Variants in ZC3H18 observed in about 807,000 individuals in gnomAD.
ZC3H18 encodes the protein zinc finger CCCH domain-containing protein 18.
ZC3H18 carries 8 observed loss-of-function variants against 106.1 expected under a neutral mutation model. The observed-to-expected ratio is 0.08, with a 90% confidence interval of 0.04 to 0.14. The LOEUF (loss-of-function observed/expected upper bound fraction) is 0.14. Among genes scored for constraint, ZC3H18 ranks in the 10% least tolerant of loss-of-function variants. The pLI, the probability that ZC3H18 is intolerant of heterozygous loss-of-function variation, is 1.00. For missense variants in ZC3H18, 1,318 were observed against 1,278.4 expected, an observed-to-expected ratio of 1.03 and a Z score of -0.47; for synonymous variants, 635 against 522.1, an observed-to-expected ratio of 1.22 and a Z score of -2.95.
chr16:88,630,671 C>A, intron 17 of ZC3H18, 90 bp downstream of exon 17: 1 of 1,141,168 alleles, frequency 8.8e-7, no homozygotes, highest in Non-Finnish European at 1.2e-6. Flanking sequence ...AGGGCTAGCA[C>A]TGGGCCAGGC....
intron 6 of ZC3H18, chr16:88,608,718 A>T (rs1180734222): frequency 2.9e-6 from 1 of 339,062 alleles, no homozygotes; most frequent in East Asian, 4.9e-5. Context: ...AATTTTTGTT[A>T]GACATTTTTA....
chr16:88,594,742 G>A (rs1256984750), intron 3 of ZC3H18, among the ~76,000 whole-genome samples: 1 of 152,224 alleles, frequency 6.6e-6, no homozygotes, highest in Non-Finnish European at 1.5e-5. Flanking sequence ...CAACTTCACA[G>A]TGTACCTTTT....
intron 1 of ZC3H18, among the ~76,000 whole-genome samples, chr16:88,575,898 GTTTGTT>G (rs376673659): frequency 3.7e-4 from 55 of 148,394 alleles, no homozygotes; most frequent in African/African-American, 1.2e-3. Context: ...TTGTTTGTTT[GTTTGTT>G]TTTGTTTTTG....
chr16:88,582,219 CTTTTTT>C (rs71391393), intron 2 of ZC3H18, among the ~76,000 whole-genome samples: 9 of 77,182 alleles, frequency 1.2e-4, no homozygotes, highest in Middle Eastern at 0.015. Flanking sequence ...TTTTTCTTTT[CTTTTTT>C]TTTTTTTTTT....
chr16:88,608,961 T>C lies in ZC3H18; in HGVS notation c.1116T>C (p.Tyr372=), dbSNP rs750114343. The change falls in exon 7 of 18, where the codon TAT becomes TAC. Residue 372 remains tyrosine (Y), a synonymous_variant. Transcript: ENST00000301011. ...TCGAGCCTTACGCAGACCCTTATTA[T>C]GACTATGAAATTGAGCGGTTTTGGC... is the stretch of plus-strand genomic sequence containing the variant. ...TVLEPYADPY[Y]DYEIERFWRG... The C allele has an allele frequency of 6.2e-7, 1 of 1,613,906 alleles. No individual in the cohort carries two copies. Among genetic ancestry groups the C allele is most frequent in the Non-Finnish European group, 8.5e-7 (1 of 1,179,860 alleles).
At chr16:88,624,171 A>G in intron 11 of ZC3H18, 109 bp downstream of exon 11, 2 of 1,474,828 alleles carry the variant, frequency 1.4e-6, no homozygotes, top group Non-Finnish European at 1.8e-6. Flanking sequence ...AGAGGTGAGG[A>G]TGCCTCAGGG....
chr16:88,618,085 C>T (rs1597353773), intron 8 of ZC3H18, among the ~76,000 whole-genome samples: 1 of 152,246 alleles, frequency 6.6e-6, no homozygotes, highest in Non-Finnish European at 1.5e-5. Context: ...TGTATCTGCT[C>T]TGCGCTGAGA....
chr16:88,611,362 G>A lies in ZC3H18; in HGVS notation c.1301G>A (p.Arg434His), dbSNP rs1448505493. 1.4e-5 allele frequency: 13 copies of A among 925,976 alleles called. No individual in the cohort carries two copies. The highest frequency in any genetic ancestry group is 3.3e-5 in the African/African-American group (2 of 60,898). The allele number at this position is 925,976 out of a possible 1,614,324, so 57.4% of individuals were successfully genotyped here. A position where few individuals can be genotyped will look rare whatever the true frequency, so the allele number is the denominator to read the frequency against. ...GAGCGGGAGCGCCGGCAGAGGGAGC[G>A]CGAGCGAGAGCGGGAGCGCGAGCGC... is the stretch of plus-strand genomic sequence containing the variant. ...DRERERRQRERERERERERDK... is the reference protein window; with the variant it reads ...DRERERRQREHERERERERDK... Residue 434 changes from arginine (R) to histidine (H), a missense_variant, in exon 8 of 18, where the codon CGC becomes CAC. Physicochemically the swap from Arg to His is conservative, Grantham distance 29 (BLOSUM62 0). Coordinates refer to ENST00000301011, the MANE Select transcript of ZC3H18 (RefSeq NM_144604.4).
At chr16:88,625,092 T>C in intron 12 of ZC3H18, 110 bp from the exon 13 acceptor site, 1 of 1,295,708 alleles carries the variant, frequency 7.7e-7, no homozygotes, top group Non-Finnish European at 1.1e-6. Context: ...TCCAAGGTGG[T>C]AGCAAGGCCA....
intron 2 of ZC3H18, among the ~76,000 whole-genome samples, chr16:88,580,208 G>GTGTGTA (rs1465874914): frequency 4.0e-5 from 2 of 50,056 alleles, no homozygotes; most frequent in African/African-American, 1.3e-4. Flanking sequence ...GTGTGTGTGT[G>GTGTGTA]TATATGTATA....
intron 5 of ZC3H18, among the ~76,000 whole-genome samples, chr16:88,599,446 G>A (rs1277887705): frequency 2.0e-5 from 3 of 152,072 alleles, no homozygotes; most frequent in East Asian, 1.9e-4. Context: ...TCACTCCCTC[G>A]GCATGTCACT....
In ZC3H18 at chr16:88,577,443, A is replaced by T; in HGVS notation, c.320A>T (p.Asp107Val). Reference sequence around the variant, plus strand: ...GAGGAGGGGGACGAAGGGGAGGAAGACCGGACAAGCGACCTTAGGGATGAG... The same window carrying T: ...GAGGAGGGGGACGAAGGGGAGGAAGTCCGGACAAGCGACCTTAGGGATGAG... ...CEEEGDEGEEDRTSDLRDEAS... is the reference protein window; with the variant it reads ...CEEEGDEGEEVRTSDLRDEAS... The change falls in exon 2 of 18, where the codon GAC becomes GTC. Residue 107 changes from aspartate to valine, a missense_variant. Coordinates refer to ENST00000301011, the MANE Select transcript of ZC3H18 (RefSeq NM_144604.4). 6.2e-7 allele frequency: 1 copy of T among 1,609,566 alleles called. No homozygotes were observed. Among genetic ancestry groups the T allele is most frequent in the Non-Finnish European group, 8.5e-7 (1 of 1,177,422 alleles).
intron 7 of ZC3H18, among the ~76,000 whole-genome samples, chr16:88,610,321 TCTC>T (rs1177922869): frequency 1.3e-5 from 2 of 152,078 alleles, no homozygotes; most frequent in Non-Finnish European, 2.9e-5. Context: ...GGTGCGGCTG[TCTC>T]CTCAGGAGCC....
chr16:88,618,563 C>T (rs1455653186), intron 8 of ZC3H18, among the ~76,000 whole-genome samples: 3 of 152,212 alleles, frequency 2.0e-5, no homozygotes, highest in Non-Finnish European at 2.9e-5. Context: ...GCATCTGTGG[C>T]GCCTCGTGTG....
At chr16:88,628,989 T>C in intron 16 of ZC3H18, 135 bp downstream of exon 16, 1 of 778,232 alleles carries the variant, frequency 1.3e-6, no homozygotes, top group Non-Finnish European at 2.1e-6. Context: ...AGATGATGCC[T>C]GTCGGTATTT....
chr16:88,628,774 G>A lies in ZC3H18; in HGVS notation c.2486G>A (p.Ser829Asn). The change falls in exon 16 of 18, where the codon AGC becomes AAC. Residue 829 changes from serine to asparagine, a missense_variant. Transcript: ENST00000301011. ...TTGTCCCAGGCGGCTGATAAAGGAA[G>A]CAGGAAGCGCTATGAACCATCAGAC... is the stretch of plus-strand genomic sequence containing the variant. ...TLLNKAADKGSRKRYEPSDKD... is the reference protein window; with the variant it reads ...TLLNKAADKGNRKRYEPSDKD... 2 of 1,614,074 alleles carry A rather than the reference G, an allele frequency of 1.2e-6. No individual in the cohort carries two copies. The highest frequency in any genetic ancestry group is 1.7e-6 in the Non-Finnish European group (2 of 1,179,974).
chr16:88,578,554 C>T (rs1427015583), intron 2 of ZC3H18, among the ~76,000 whole-genome samples: 1 of 151,736 alleles, frequency 6.6e-6, no homozygotes, highest in Non-Finnish European at 1.5e-5. Flanking sequence ...TTGAAAGATC[C>T]TGGGGAAGGG....
In ZC3H18 at chr16:88,624,642, C is replaced by T; in HGVS notation, c.1939C>T (p.Pro647Ser). ...GAAGCCGGCCCCGCCTCCAGCCCCA[C>T]CACAGGCCACCAAAACCACTGCTCC... ...VKKPAPPPAPPQATKTTAPVP... is the reference protein window; with the variant it reads ...VKKPAPPPAPSQATKTTAPVP... Residue 647 changes from proline to serine, a missense_variant, in exon 12 of 18, where the codon CCA (proline) becomes TCA (serine). This residue lies in a region of ZC3H18 where 848 missense variants were observed against 821.7 expected (regional missense o/e 1.03). Transcript: ENST00000301011. The T allele has an allele frequency of 6.2e-7, 1 of 1,614,010 alleles. No homozygotes were observed. The highest frequency in any genetic ancestry group is 1.3e-5 in the African/African-American group (1 of 75,032).
At chr16:88,621,805 T>C (rs1905980867) in intron 8 of ZC3H18, among the ~76,000 whole-genome samples, 1 of 152,212 alleles carries the variant, frequency 6.6e-6, no homozygotes, top group Non-Finnish European at 1.5e-5. Context: ...TTCATAAATA[T>C]TTATTATGAA....
Sources: allele counts gnomAD v4.1 joint callset (sites outside exome capture counted in the v4.1 genomes callset), GRCh38; gene constraint gnomAD v4.1.1; regional missense constraint gnomAD v4.1.1; transcripts MANE v1.5; gene names NCBI Gene and HGNC (gene_info 2026-07-23, HGNC 2026-07-21).